The following PGM5 variants were observed in gnomAD, a reference collection of about 807,000 sequenced individuals.
PGM5 encodes phosphoglucomutase 5.
PGM5 carries 23 observed loss-of-function variants against 59.2 expected under a neutral mutation model. That is an observed-to-expected ratio of 0.39 (90% confidence interval 0.28 to 0.55). The LOEUF (loss-of-function observed/expected upper bound fraction) is 0.55. PGM5 is among the 20% of genes least tolerant of loss of function. The pLI, the probability that PGM5 is intolerant of heterozygous loss-of-function variation, is 0.66. For synonymous variants in PGM5, 214 were observed against 286.0 expected (o/e 0.75, Z 2.54); for missense variants, 574 against 748.3 (o/e 0.77, Z 2.72).
intron 6 of PGM5, among the ~76,000 whole-genome samples, chr9:68,394,993 T>C (rs1435225954): frequency 2.6e-5 from 4 of 152,156 alleles, no homozygotes; most frequent in Admixed American, 2.0e-4. Flanking sequence ...AGTTTATTTT[T>C]CTTATAATTA....
intron 6 of PGM5, among the ~76,000 whole-genome samples, chr9:68,411,484 G>GTATATATATATATATATATATA (rs782186409): frequency 9.4e-6 from 1 of 105,928 alleles, no homozygotes; most frequent in African/African-American, 3.2e-5. Context: ...GTGTGTGTGT[G>GTATATATATATATATATATATA]TGTGTATATA....
intron 6 of PGM5, among the ~76,000 whole-genome samples, chr9:68,440,260 C>T (rs1185676985): frequency 1.3e-5 from 2 of 152,118 alleles, no homozygotes; most frequent in African/African-American, 4.8e-5. Flanking sequence ...TAGAACCCTC[C>T]AACCAACAGC....
chr9:68,506,891 G>A (rs1338931608), intron 10 of PGM5, among the ~76,000 whole-genome samples: 1 of 152,026 alleles, frequency 6.6e-6, no homozygotes, highest in Admixed American at 6.5e-5. Flanking sequence ...GTTGTGCCTC[G>A]GTCCTGGTTT....
intron 6 of PGM5, among the ~76,000 whole-genome samples, chr9:68,392,997 G>T (rs1473338572): frequency 6.6e-6 from 1 of 152,118 alleles, no homozygotes; most frequent in Non-Finnish European, 1.5e-5. Flanking sequence ...TTGTAAGAAT[G>T]AAACGAGACA....
At chr9:68,501,950 T>C (rs1554688686) in intron 10 of PGM5, among the ~76,000 whole-genome samples, 1 of 152,272 alleles carries the variant, frequency 6.6e-6, no homozygotes, top group African/African-American at 2.4e-5. Context: ...ACTTGTGATA[T>C]AATCTATATG....
At chr9:68,528,974 C>T (rs1190791469) in intron 10 of PGM5, among the ~76,000 whole-genome samples, 4 of 152,178 alleles carry the variant, frequency 2.6e-5, no homozygotes, top group Non-Finnish European at 5.9e-5. Flanking sequence ...ATTCCTTAGG[C>T]TTCTAAAGCA....
intron 7 of PGM5, among the ~76,000 whole-genome samples, chr9:68,471,053 C>T (rs1347873766): frequency 6.6e-6 from 1 of 152,206 alleles, no homozygotes; most frequent in Non-Finnish European, 1.5e-5. Flanking sequence ...CTTGGAATCT[C>T]AATGGTCCCA....
intron 10 of PGM5, among the ~76,000 whole-genome samples, chr9:68,499,951 C>T (rs1199135641): frequency 2.6e-5 from 4 of 152,176 alleles, no homozygotes; most frequent in Non-Finnish European, 5.9e-5. Context: ...ATAACACAAC[C>T]ATAAGCCTCT....
At chr9:68,379,584 G>A (rs1349105948) in intron 2 of PGM5, among the ~76,000 whole-genome samples, 2 of 152,050 alleles carry the variant, frequency 1.3e-5, no homozygotes, top group Admixed American at 1.3e-4. Flanking sequence ...AAAATGGCAG[G>A]AGTAAGTCTT....
chr9:68,524,501 A>ATGC (rs1476570361), intron 10 of PGM5, among the ~76,000 whole-genome samples: 1 of 152,230 alleles, frequency 6.6e-6, no homozygotes, highest in Non-Finnish European at 1.5e-5. Context: ...AGAAAAAACA[A>ATGC]TGCTATACTC....
chr9:68,379,863 C>A (rs1251638518), intron 2 of PGM5, among the ~76,000 whole-genome samples: 1 of 151,388 alleles, frequency 6.6e-6, no homozygotes, highest in African/African-American at 2.4e-5. Context: ...CAAAGAAGGT[C>A]ATGATTTAAT....
At chr9:68,375,237 A>G (rs1821848263) in intron 1 of PGM5, among the ~76,000 whole-genome samples, 2 of 152,218 alleles carry the variant, frequency 1.3e-5, no homozygotes, top group South Asian at 4.1e-4. Flanking sequence ...CTTCTGCAAT[A>G]TATACTGATT....
chr9:68,489,715 C>T (rs933138471), intron 9 of PGM5, among the ~76,000 whole-genome samples: 3 of 152,110 alleles, frequency 2.0e-5, no homozygotes, highest in Non-Finnish European at 1.5e-5. Flanking sequence ...GATCCGCCCA[C>T]CTCGGCCTCC....
At chr9:68,384,021 G>A (rs1822150845) in intron 2 of PGM5, among the ~76,000 whole-genome samples, 1 of 151,986 alleles carries the variant, frequency 6.6e-6, no homozygotes, top group Non-Finnish European at 1.5e-5. Context: ...ATGTAAATCT[G>A]GAATCCCTCA....
chr9:68,429,610 TA>T (rs35304647), intron 6 of PGM5, among the ~76,000 whole-genome samples: 71,612 of 152,010 alleles, frequency 0.47, 17,749 homozygotes, highest in South Asian at 0.56. Context: ...CTAAATGAAA[TA>T]AATATGTTTT....
intron 6 of PGM5, among the ~76,000 whole-genome samples, chr9:68,417,422 C>CG (rs11430157): frequency 0.059 from 9,040 of 151,956 alleles, 923 homozygotes; most frequent in African/African-American, 0.2. Context: ...CCCCTGGGCC[C>CG]GGGGGACGTG....
At chr9:68,518,839 C>G (rs1350514822) in intron 10 of PGM5, among the ~76,000 whole-genome samples, 1 of 152,028 alleles carries the variant, frequency 6.6e-6, no homozygotes, top group Non-Finnish European at 1.5e-5. Context: ...GTTGGAGTCT[C>G]AAAAGAGGAG....
chr9:68,429,998 T>C (rs1823316665), intron 6 of PGM5, among the ~76,000 whole-genome samples: 3 of 152,224 alleles, frequency 2.0e-5, no homozygotes, highest in Admixed American at 6.5e-5. Context: ...GTATCTGAGG[T>C]TGGTTTTGTT....
chr9:68,372,835 A>G (rs1250062363), intron 1 of PGM5, among the ~76,000 whole-genome samples: 8 of 152,082 alleles, frequency 5.3e-5, no homozygotes, highest in Admixed American at 2.0e-4. Context: ...GCAAGAGAAC[A>G]AAAGAGAAGG....
Sources: gnomAD v4.1 joint callset for allele counts (sites outside exome capture counted in the v4.1 genomes callset) on GRCh38, gnomAD v4.1.1 for gene constraint, MANE v1.5 for transcripts, NCBI Gene and HGNC (gene_info 2026-07-23, HGNC 2026-07-21) for gene names.